HHAT: variants seen among roughly 807,000 people sequenced by gnomAD.
HHAT encodes hedgehog acyltransferase, also known as protein-cysteine N-palmitoyltransferase HHAT.
Under a neutral mutation model 70.8 loss-of-function variants are expected in HHAT, and 47 were observed. The observed-to-expected ratio is 0.66, with a 90% CI of 0.53 to 0.85. The LOEUF (loss-of-function observed/expected upper bound fraction) is 0.85, where lower values mean the gene tolerates loss of function less well. Ranked by LOEUF, HHAT falls within the 40% of genes least tolerant of loss-of-function variation. HHAT has a pLI of 0.00. For synonymous variants in HHAT, 228 were observed against 247.6 expected (o/e 0.92, Z 0.74); for missense variants, 609 against 604.8 (o/e 1.01, Z -0.07).
In HHAT at chr1:210,424,580, C is replaced by G. The variant is rs2093004902; in HGVS notation, c.856+6255C>G. 1.4e-5 allele frequency among the ~76,000 whole-genome samples: 2 copies of G among 147,544 alleles called. 1 individual carries two copies. The highest frequency in any genetic ancestry group is 4.3e-4 in the South Asian group (2 of 4,648). ...GTACTCATTAGTTATTTTTCCTGAT[C>G]TTTTCCCTCCTCCCACCCTCCACCC... On this transcript the variant is annotated intron_variant, in intron 7 of 11. Coordinates refer to ENST00000261458, the MANE Select transcript of HHAT (RefSeq NM_018194.6).
At chr1:210,553,463 G>A (rs183222774) in intron 9 of HHAT, among the ~76,000 whole-genome samples, 62 of 152,274 alleles carry the variant, frequency 4.1e-4, no homozygotes, top group African/African-American at 1.5e-3. Flanking sequence ...CACATTGGAA[G>A]GCAGAAGAGA....
At chr1:210,501,358 G>A (rs757440943) in intron 8 of HHAT, among the ~76,000 whole-genome samples, 10 of 152,314 alleles carry the variant, frequency 6.6e-5, no homozygotes, top group East Asian at 1.9e-4. Flanking sequence ...CCCTTTTGCC[G>A]CAGCAGCTTT....
chr1:210,546,678 T>C (rs947594059), intron 9 of HHAT, among the ~76,000 whole-genome samples: 14 of 152,034 alleles, frequency 9.2e-5, no homozygotes, highest in African/African-American at 3.1e-4. Flanking sequence ...CCAGCACTTG[T>C]GTGGAGAGCG....
rs59554789 is a variant in HHAT, at chr1:210,394,229, CTTTTTTTTTTTTTTTT to C, written c.274-6219_274-6204del. Among the ~76,000 whole-genome samples, 33 of 116,332 alleles carry C rather than the reference CTTTTTTTTTTTTTTTT, an allele frequency of 2.8e-4. 1 individual carries two copies. The East Asian group carries it at 7.9e-3, about 28-fold the overall frequency. The allele number at this position is 116,332 out of a possible 152,430, so 76.3% of individuals were successfully genotyped here. ...TTTTATTTTCAAAAGCATGATCTAT[CTTTTTTTTTTTTTTTT>C]TTTTTTTTTTTTTTTTTTTGCCATG... On this transcript the variant is annotated intron_variant, in intron 4 of 11. Transcript: ENST00000261458.
intron 8 of HHAT, among the ~76,000 whole-genome samples, chr1:210,493,706 C>T (rs1248987130): frequency 2.0e-5 from 3 of 152,096 alleles, no homozygotes; most frequent in South Asian, 2.1e-4. Context: ...AGACTGGGTG[C>T]GGAGGTTGCC....
intron 8 of HHAT, among the ~76,000 whole-genome samples, chr1:210,495,784 G>C (rs534176369): frequency 1.3e-5 from 2 of 152,236 alleles, no homozygotes; most frequent in Admixed American, 1.3e-4. Context: ...GAGGCGGGCA[G>C]ATCGCCTGAG....
intron 10 of HHAT, among the ~76,000 whole-genome samples, chr1:210,621,511 A>G (rs1311365309): frequency 6.6e-6 from 1 of 152,170 alleles, no homozygotes; most frequent in Non-Finnish European, 1.5e-5. Flanking sequence ...CTGCCTCCCT[A>G]GTTACTGCTA....
intron 3 of HHAT, among the ~76,000 whole-genome samples, chr1:210,382,515 A>C (rs139111591): frequency 6.6e-5 from 10 of 152,326 alleles, no homozygotes; most frequent in African/African-American, 2.4e-4. Flanking sequence ...GGCATCTAGG[A>C]GACAGATTTA....
intron 11 of HHAT, among the ~76,000 whole-genome samples, chr1:210,661,941 A>T (rs1436044057): frequency 6.6e-6 from 1 of 152,218 alleles, no homozygotes; most frequent in East Asian, 1.9e-4. Context: ...TATGTAACAA[A>T]CCTGCATGTT....
At chr1:210,578,448 A>G (rs914874086) in intron 9 of HHAT, among the ~76,000 whole-genome samples, 6 of 152,228 alleles carry the variant, frequency 3.9e-5, no homozygotes, top group Non-Finnish European at 5.9e-5. Context: ...AAGAGCTACT[A>G]TGTGATTCAG....
chr1:210,645,470 G>T (rs1673847312), intron 11 of HHAT, among the ~76,000 whole-genome samples: 1 of 152,068 alleles, frequency 6.6e-6, no homozygotes, highest in African/African-American at 2.4e-5. Flanking sequence ...AGTAGAGATG[G>T]GGTTTCACCA....
chr1:210,581,814 C>A (rs1241302001), intron 9 of HHAT, among the ~76,000 whole-genome samples: 3 of 152,122 alleles, frequency 2.0e-5, no homozygotes, highest in Non-Finnish European at 4.4e-5. Context: ...GGGTCCATGA[C>A]AATGGTGACA....
chr1:210,432,338 G>T (rs1265104240), intron 7 of HHAT, among the ~76,000 whole-genome samples: 1 of 151,928 alleles, frequency 6.6e-6, no homozygotes, highest in African/African-American at 2.4e-5. Flanking sequence ...TAACGAATGA[G>T]AAGGAATGTT....
intron 8 of HHAT, among the ~76,000 whole-genome samples, chr1:210,481,707 A>C (rs1395601643): frequency 6.6e-6 from 1 of 152,214 alleles, no homozygotes; most frequent in South Asian, 2.1e-4. Context: ...AATGGCCACA[A>C]AAGTGCCTCA....
chr1:210,345,155 G>A (rs553908293), intron 1 of HHAT, among the ~76,000 whole-genome samples: 1 of 152,210 alleles, frequency 6.6e-6, no homozygotes, highest in Non-Finnish European at 1.5e-5. Flanking sequence ...TAACGAGTGT[G>A]GGGGAGTGAG....
chr1:210,575,085 G>A (rs1232752343), intron 9 of HHAT, among the ~76,000 whole-genome samples: 1 of 152,058 alleles, frequency 6.6e-6, no homozygotes, highest in Non-Finnish European at 1.5e-5. Context: ...ATCTGCTGAT[G>A]GAGCAAAGAT....
intron 7 of HHAT, among the ~76,000 whole-genome samples, chr1:210,429,673 T>TG (rs1321539579): frequency 4.6e-5 from 7 of 151,670 alleles, no homozygotes; most frequent in Non-Finnish European, 1.0e-4. Flanking sequence ...TAATGTCAGG[T>TG]GGTCCCCCCT....
chr1:210,612,731 C>T (rs1666851582), intron 10 of HHAT, among the ~76,000 whole-genome samples: 1 of 152,126 alleles, frequency 6.6e-6, no homozygotes, highest in Non-Finnish European at 1.5e-5. Flanking sequence ...TACCGTTTTC[C>T]ACAGTGGCTC....
At chr1:210,370,163 C>CT (rs200442278) in intron 3 of HHAT, among the ~76,000 whole-genome samples, 1,833 of 122,206 alleles carry the variant, frequency 0.015, 127 homozygotes, top group African/African-American at 0.037. Flanking sequence ...TCTTCAATGA[C>CT]TTTTTTTTTT....
Sources: allele counts gnomAD v4.1 joint callset (sites outside exome capture counted in the v4.1 genomes callset), GRCh38; gene constraint gnomAD v4.1.1; transcripts MANE v1.5; gene names NCBI Gene and HGNC (gene_info 2026-07-23, HGNC 2026-07-21).